Variants in GLS observed in about 807,000 individuals in gnomAD.
GLS encodes glutaminase, also known as glutaminase kidney isoform, mitochondrial.
GLS carries 36 observed loss-of-function variants against 86.7 expected under a neutral mutation model. The ratio of observed to expected loss-of-function variants is 0.42; its 90% CI spans 0.32 to 0.55. GLS has a LOEUF of 0.55. Among genes scored for constraint, GLS ranks in the 20% least tolerant of loss-of-function variants. The probability of loss-of-function intolerance (pLI) is 0.17; values close to 1 mark genes in which losing one functional copy is unlikely to be tolerated. For missense variants in GLS, 528 were observed against 833.4 expected (o/e 0.63, Z 4.51); for synonymous variants, 317 against 305.9 (o/e 1.04, Z -0.38).
Position 190,881,357 on chromosome 2 carries a change from G to A in GLS, c.273G>A (p.Gln91=), listed in dbSNP as rs897687240. ...QELGKGSTHP[Q]PGVSPPAAPA... ...TGGGCAAGGGGAGCACGCATCCGCAGCCCGGGGTGTCGCCACCCGCTGCCC... is the reference window on the plus strand; with the variant it reads ...TGGGCAAGGGGAGCACGCATCCGCAACCCGGGGTGTCGCCACCCGCTGCCC... Residue 91 remains glutamine (Q), a synonymous_variant, in exon 1 of 18, where the codon CAG becomes CAA. Transcript: ENST00000320717. 1.9e-6 allele frequency: 3 copies of A among 1,538,772 alleles called. No individual in the cohort carries two copies. In the African/African-American group the frequency reaches 4.2e-5, roughly 21 times the overall value.
intron 5 of GLS, among the ~76,000 whole-genome samples, chr2:190,902,266 T>C (rs1015079028): frequency 1.3e-5 from 2 of 152,186 alleles, no homozygotes; most frequent in African/African-American, 4.8e-5. Context: ...TGAGTATTAT[T>C]CAAATACCTG....
At chr2:190,942,067 CTTTTTTTTTTTTT>C (rs3036653) in intron 14 of GLS, among the ~76,000 whole-genome samples, 39 of 38,056 alleles carry the variant, frequency 1.0e-3, no homozygotes, top group South Asian at 4.3e-3. Flanking sequence ...ACTTTGAAGA[CTTTTTTTTTTTTT>C]TTTTTTTTTT....
In GLS at chr2:190,897,588, TGAG is replaced by T. The variant is rs1688788819; in HGVS notation, c.605+1865_605+1867del. On this transcript the variant is annotated intron_variant, in intron 3 of 17. Transcript: ENST00000320717. This position sits in a 1 kb window ranked among gnomAD's most constrained non-coding sequence, Gnocchi z 4.3. ...TAATTATTTCTCTTTATTCTTAGAA[TGAG>T]GTGGTTCAAAACCTCCAACTGTTAA... 6.6e-6 allele frequency among the ~76,000 whole-genome samples: 1 copy of T among 152,208 alleles called. No homozygotes were observed. The highest frequency in any genetic ancestry group is 2.1e-4 in the South Asian group (1 of 4,834).
At chr2:190,910,586 T>G (rs2124868167) in intron 7 of GLS, among the ~76,000 whole-genome samples, 1 of 151,266 alleles carries the variant, frequency 6.6e-6, no homozygotes, top group African/African-American at 2.4e-5. Context: ...ATTTAAAGTC[T>G]GCTGAAGAAA....
chr2:190,910,961 C>T lies in GLS; in HGVS notation c.1038+640C>T, dbSNP rs192734379. 4.1e-3 allele frequency among the ~76,000 whole-genome samples: 583 copies of T among 143,678 alleles called. 4 individuals are homozygous for T. The highest frequency in any genetic ancestry group is 0.014 in the African/African-American group (559 of 38,744). 94.3% of individuals were successfully genotyped at this position (143,678 alleles called of 152,430 possible). On this transcript the variant is annotated intron_variant, in intron 7 of 17. Transcript: ENST00000320717. ...TTTTTTTTTTTTAGTGTTTGGTTTG[C>T]GTTAATAATTGGAAGATCTAGTATT...
chr2:190,903,108 C>T (rs957049704), intron 5 of GLS, among the ~76,000 whole-genome samples: 2 of 152,230 alleles, frequency 1.3e-5, no homozygotes, highest in African/African-American at 4.8e-5. Flanking sequence ...CTCAAGTGAT[C>T]TTCCTGCCTT....
rs1006870956 is a variant in GLS, at chr2:190,921,376, A to G, written c.1130+173A>G. ...TCTTACAGGTAATCATACAATCAGAAGAGACCCCAAGTTTATCTCAAATTA... is the reference window on the plus strand; with the variant it reads ...TCTTACAGGTAATCATACAATCAGAGGAGACCCCAAGTTTATCTCAAATTA... On this transcript the variant is annotated intron_variant, in intron 9 of 17. Coordinates refer to ENST00000320717, the MANE Select transcript of GLS (RefSeq NM_014905.5). The surrounding 1 kb of genome is among the most constrained non-coding windows in gnomAD (Gnocchi z 4.2). 2.0e-5 allele frequency among the ~76,000 whole-genome samples: 3 copies of G among 151,972 alleles called. No homozygotes were observed. Among genetic ancestry groups the G allele is most frequent in the African/African-American group, 7.2e-5 (3 of 41,428 alleles).
chr2:190,904,983 T>A (rs576629817), intron 5 of GLS, 21 bp from the exon 6 acceptor site: 143 of 1,437,942 alleles, frequency 9.9e-5, no homozygotes, highest in South Asian at 7.8e-4. Flanking sequence ...TGTTATTTTT[T>A]AAAAATCTCC....
intron 12 of GLS, among the ~76,000 whole-genome samples, chr2:190,929,363 GA>G (rs1296876891): frequency 2.0e-5 from 3 of 151,962 alleles, no homozygotes; most frequent in Non-Finnish European, 4.4e-5. Context: ...ATATAGTCAG[GA>G]AGAATAAAAG....
chr2:190,931,326 T>C (rs147400406), intron 13 of GLS, among the ~76,000 whole-genome samples: 373 of 152,236 alleles, frequency 2.5e-3, no homozygotes, highest in African/African-American at 8.3e-3. Context: ...GATGATTTGA[T>C]TGGCTGAGCC....
chr2:190,924,578 A>G lies in GLS; in HGVS notation c.1233A>G (p.Leu411=), dbSNP rs1184237964. The G allele has an allele frequency of 1.3e-6, 2 of 1,551,198 alleles. No homozygotes were observed. The highest frequency in any genetic ancestry group is 1.8e-6 in the Non-Finnish European group (2 of 1,122,656). ...AAGGCACAGACATGGTTGGTATATT[A>G]GACTTCTACTTCCAGGTAATCTAAT... ...FPEGTDMVGI[L]DFYFQLCSIE... The change falls in exon 11 of 18, where the codon TTA becomes TTG. Residue 411 remains leucine, a synonymous_variant. Transcript: ENST00000320717. This position sits in a 1 kb window ranked among gnomAD's most constrained non-coding sequence, Gnocchi z 5.2.
At chr2:190,890,301 A>G (rs1688518525) in intron 1 of GLS, among the ~76,000 whole-genome samples, 1 of 152,064 alleles carries the variant, frequency 6.6e-6, no homozygotes, top group Admixed American at 6.6e-5. Flanking sequence ...CTCTTGCCTC[A>G]GTCTCCCAAG....
chr2:190,901,650 A>G (rs1446026251), intron 4 of GLS, among the ~76,000 whole-genome samples: 1 of 152,110 alleles, frequency 6.6e-6, no homozygotes, highest in Non-Finnish European at 1.5e-5. Context: ...TAAAAAAAAA[A>G]AAAGTTCAAG....
In GLS at chr2:190,930,324, CT is replaced by C. The variant is rs1419541249; in HGVS notation, c.1426-112del. ...CTGCTTGCCTTGGCCTCCCAAAGTG[CT>C]GAGATTACAGGAGTGAGCCATGGTG... On this transcript the variant is annotated intron_variant, in intron 12 of 17. Coordinates refer to ENST00000320717, the MANE Select transcript of GLS (RefSeq NM_014905.5). This position sits in a 1 kb window ranked among gnomAD's most constrained non-coding sequence, Gnocchi z 5.0. 7 of 762,544 alleles carry C rather than the reference CT, an allele frequency of 9.2e-6. No individual in the cohort carries two copies. The East Asian group carries it at 1.9e-4, about 20-fold the overall frequency. 47.2% of individuals were successfully genotyped at this position (762,544 alleles called of 1,614,324 possible). A position where few individuals can be genotyped will look rare whatever the true frequency, so the allele number is the denominator to read the frequency against.
chr2:190,917,726 A>G (rs540446984), intron 7 of GLS, among the ~76,000 whole-genome samples: 2 of 152,272 alleles, frequency 1.3e-5, no homozygotes, highest in East Asian at 3.9e-4. Flanking sequence ...TGCTCCTTGT[A>G]CGTCTCTATC....
intron 3 of GLS, among the ~76,000 whole-genome samples, chr2:190,898,726 G>A (rs1197619196): frequency 6.6e-6 from 1 of 152,174 alleles, no homozygotes; most frequent in African/African-American, 2.4e-5. Flanking sequence ...CCGCCTCCCA[G>A]GTTCAAGCAA....
intron 13 of GLS, 47 bp from the exon 14 acceptor site, chr2:190,931,498 C>A: frequency 3.7e-6 from 3 of 813,242 alleles, no homozygotes; most frequent in South Asian, 1.7e-5. Context: ...TATATATAAC[C>A]AATGAATAGC....
intron 12 of GLS, among the ~76,000 whole-genome samples, chr2:190,929,012 G>A (rs1690006891): frequency 1.3e-5 from 2 of 149,164 alleles, no homozygotes; most frequent in South Asian, 2.1e-4. Context: ...TTGAGACAGA[G>A]TCTCACTGTG....
intron 14 of GLS, among the ~76,000 whole-genome samples, chr2:190,944,739 A>C (rs1050179790): frequency 1.3e-5 from 2 of 152,126 alleles, no homozygotes; most frequent in Non-Finnish European, 2.9e-5. Flanking sequence ...ATTTGCTGCC[A>C]GTAGCGTAAC....
Sources: allele counts gnomAD v4.1 joint callset (sites outside exome capture counted in the v4.1 genomes callset), GRCh38; gene constraint gnomAD v4.1.1; non-coding constraint Gnocchi (gnomAD v3.1); transcripts MANE v1.5; gene names NCBI Gene and HGNC (gene_info 2026-07-23, HGNC 2026-07-21).